The following FIG4 variants were observed in gnomAD, a reference collection of about 807,000 sequenced individuals.
FIG4 encodes FIG4 phosphoinositide 5-phosphatase, also known as polyphosphoinositide phosphatase.
Under a neutral mutation model 118.6 loss-of-function variants are expected in FIG4, and 112 were observed. The ratio of observed to expected loss-of-function variants is 0.94; its 90% CI spans 0.81 to 1.11. The LOEUF is 1.11. Ranked by LOEUF, FIG4 falls within the 50% of genes least tolerant of loss-of-function variation. The pLI, the probability that FIG4 is intolerant of heterozygous loss-of-function variation, is 0.00. For synonymous variants in FIG4, 369 were observed against 381.2 expected (o/e 0.97, Z 0.37); for missense variants, 969 against 1,111.7 (o/e 0.87, Z 1.83).
chr6:109,691,747 G>C (rs113783304), intron 1 of FIG4, among the ~76,000 whole-genome samples: 34 of 152,298 alleles, frequency 2.2e-4, no homozygotes, highest in African/African-American at 7.9e-4. Context: ...GGAACACGCT[G>C]GAAACAGGTG....
intron 22 of FIG4, among the ~76,000 whole-genome samples, chr6:109,824,695 C>A (rs1346253908): frequency 6.6e-6 from 1 of 152,224 alleles, no homozygotes; most frequent in Non-Finnish European, 1.5e-5. Flanking sequence ...CTGATTTCTA[C>A]TATATCTTCC....
intron 1 of FIG4, among the ~76,000 whole-genome samples, chr6:109,697,845 A>T (rs770877707): frequency 3.2e-4 from 48 of 151,730 alleles, no homozygotes; most frequent in Non-Finnish European, 5.0e-4. Context: ...AAACTAGTTG[A>T]CTGAATAAAT....
chr6:109,775,392 C>G (rs1777589373), intron 15 of FIG4, among the ~76,000 whole-genome samples: 1 of 152,076 alleles, frequency 6.6e-6, no homozygotes, highest in South Asian at 2.1e-4. Context: ...CTTTTTTTGG[C>G]TATGTTTCTC....
At chr6:109,759,219 G>A (rs932096871) in intron 10 of FIG4, among the ~76,000 whole-genome samples, 4 of 152,110 alleles carry the variant, frequency 2.6e-5, no homozygotes, top group Non-Finnish European at 5.9e-5. Flanking sequence ...ATGATGGACT[G>A]GATAAAGAAA....
At chr6:109,818,589 A>G (rs1288098610) in intron 22 of FIG4, among the ~76,000 whole-genome samples, 5 of 152,132 alleles carry the variant, frequency 3.3e-5, no homozygotes, top group Non-Finnish European at 7.3e-5. Context: ...TAATTTATAA[A>G]TTACCATGTC....
intron 17 of FIG4, among the ~76,000 whole-genome samples, chr6:109,785,363 G>A (rs1777922361): frequency 6.6e-6 from 1 of 151,922 alleles, no homozygotes; most frequent in Admixed American, 6.6e-5. Flanking sequence ...TACATATTTT[G>A]GGAGAATGCG....
intron 22 of FIG4, among the ~76,000 whole-genome samples, chr6:109,821,219 G>T (rs114231440): frequency 0.013 from 2,041 of 152,280 alleles, 33 homozygotes; most frequent in African/African-American, 0.047. Flanking sequence ...ACAACATTGA[G>T]GAAGGGGAGC....
chr6:109,766,671 T>G (rs771316526), intron 14 of FIG4, 58 bp from the exon 15 acceptor site: 53 of 1,478,440 alleles, frequency 3.6e-5, no homozygotes, highest in Non-Finnish European at 5.0e-5. Flanking sequence ...TTTGGCTAAG[T>G]GAATAACTTG....
chr6:109,698,148 A>G (rs1774791290), intron 1 of FIG4, among the ~76,000 whole-genome samples: 1 of 151,108 alleles, frequency 6.6e-6, no homozygotes, highest in South Asian at 2.1e-4. Flanking sequence ...TCAGCCTCCC[A>G]AAGTGCTGGG....
intron 19 of FIG4, among the ~76,000 whole-genome samples, chr6:109,789,948 A>C (rs1778092167): frequency 6.6e-6 from 1 of 152,376 alleles, no homozygotes; most frequent in East Asian, 1.9e-4. Context: ...TCTGTTTCCC[A>C]ACATGAAATA....
intron 10 of FIG4, among the ~76,000 whole-genome samples, chr6:109,757,143 A>G (rs1306599765): frequency 1.3e-5 from 2 of 151,328 alleles, no homozygotes; most frequent in Admixed American, 6.6e-5. Context: ...GTCTTTTCAA[A>G]CAAACAGCTC....
At chr6:109,743,810 C>T (rs377722984) in intron 10 of FIG4, 38 bp downstream of exon 10, 117 of 1,456,538 alleles carry the variant, frequency 8.0e-5, no homozygotes, top group Admixed American at 5.2e-4. Context: ...GAGATTCAGA[C>T]GCTCTGGGAA....
intron 1 of FIG4, among the ~76,000 whole-genome samples, chr6:109,699,210 C>T (rs1025805834): frequency 1.3e-4 from 20 of 152,208 alleles, no homozygotes; most frequent in African/African-American, 4.3e-4. Context: ...TTATATTTTT[C>T]CAGGAATTTG....
At position 109,738,361 on chromosome 6, in the gene FIG4, A is replaced by G; in HGVS notation, c.683A>G (p.Tyr228Cys). ...FGICSEPYMK[Y>C]VWNGELLDII... ...ATCTGTAGTGAGCCTTATATGAAAT[A>G]TGTATGGAATGGTGAACTTCTGGAT... Residue 228 changes from tyrosine to cysteine, a missense_variant, in exon 7 of 23, where the codon TAT becomes TGT. Coordinates refer to ENST00000230124, the MANE Select transcript of FIG4 (RefSeq NM_014845.6). 24 of 1,609,772 alleles carry G rather than the reference A, an allele frequency of 1.5e-5. No individual in the cohort carries two copies. Among genetic ancestry groups the G allele is most frequent in the Non-Finnish European group, 2.0e-5 (24 of 1,176,348 alleles).
rs556023089 is a variant in FIG4 at position 109,755,032 on chromosome 6, G to T, written c.1138-5218G>T. Among the ~76,000 whole-genome samples, 29 of 152,036 alleles carry T rather than the reference G, an allele frequency of 1.9e-4. 1 individual carries two copies. The highest frequency in any genetic ancestry group is 8.8e-5 in the Non-Finnish European group (6 of 67,976). On this transcript the variant is annotated intron_variant, in intron 10 of 22. Transcript: ENST00000230124. ...TAGTTCTTTTAATTGTGATGTTAGG[G>T]TGTCAATTTTGGATCTTTCCTTCTT... is the stretch of plus-strand genomic sequence containing the variant.
At chr6:109,744,361 G>A (rs994339054) in intron 10 of FIG4, among the ~76,000 whole-genome samples, 2 of 152,100 alleles carry the variant, frequency 1.3e-5, no homozygotes, top group Non-Finnish European at 2.9e-5. Flanking sequence ...TGGGCATACA[G>A]GTCAAAGGCT....
At position 109,795,095 on chromosome 6, in the gene FIG4, G is replaced by GTTTTTTTTTTTTTTTTTTTT. The variant is rs571649446; in HGVS notation, c.2460-1649_2460-1630dup. 2.1e-4 allele frequency among the ~76,000 whole-genome samples: 12 copies of GTTTTTTTTTTTTTTTTTTTT among 57,194 alleles called. 4 individuals are homozygous for GTTTTTTTTTTTTTTTTTTTT. The highest frequency in any genetic ancestry group is 3.5e-4 in the Non-Finnish European group (10 of 28,706). 37.5% of individuals were successfully genotyped at this position (57,194 alleles called of 152,430 possible). ...TCCTCAAAGCTTCATACACTTGCCA[G>GTTTTTTTTTTTTTTTTTTTT]TTTTTTTTTTTTTTTTTTTTTTTTT... On this transcript the variant is annotated intron_variant, in intron 21 of 22. Transcript: ENST00000230124.
chr6:109,704,156 T>A (rs2128378839), intron 1 of FIG4, among the ~76,000 whole-genome samples: 1 of 152,318 alleles, frequency 6.6e-6, no homozygotes, highest in East Asian at 1.9e-4. Flanking sequence ...AGTGGCACCA[T>A]CATCTAGCTA....
intron 1 of FIG4, among the ~76,000 whole-genome samples, chr6:109,698,109 C>T (rs1033660728): frequency 1.7e-4 from 26 of 151,734 alleles, no homozygotes; most frequent in African/African-American, 5.8e-4. Context: ...AGGCTGGTCT[C>T]GAACTTCTGA....
Sources: allele counts gnomAD v4.1 joint callset (sites outside exome capture counted in the v4.1 genomes callset), GRCh38; gene constraint gnomAD v4.1.1; transcripts MANE v1.5; gene names NCBI Gene and HGNC (gene_info 2026-07-23, HGNC 2026-07-21).